The following KCNIP4 variants were observed in gnomAD, a reference collection of about 807,000 sequenced individuals.
The protein encoded by KCNIP4 is potassium voltage-gated channel interacting protein 4, also known as Kv channel-interacting protein 4.
KCNIP4 carries 12 observed loss-of-function variants against 34.0 expected under a neutral mutation model. The ratio of observed to expected loss-of-function variants is 0.35; its 90% CI spans 0.23 to 0.57. The LOEUF is 0.57. Among genes scored for constraint, KCNIP4 ranks in the 20% least tolerant of loss-of-function variants. KCNIP4 has a pLI of 0.83. For missense variants in KCNIP4, 238 were observed against 311.7 expected, an observed-to-expected ratio of 0.76 and a Z score of 1.78; for synonymous variants, 124 against 102.2, an observed-to-expected ratio of 1.21 and a Z score of -1.29.
At chr4:20,856,894 A>T (rs1195296666) in intron 2 of KCNIP4, among the ~76,000 whole-genome samples, 1 of 152,146 alleles carries the variant, frequency 6.6e-6, no homozygotes, top group African/African-American at 2.4e-5. Flanking sequence ...CAGCGGATTA[A>T]ATTCTGGGCC....
At chr4:21,198,677 T>C (rs1046504458) in intron 1 of KCNIP4, among the ~76,000 whole-genome samples, 4 of 152,236 alleles carry the variant, frequency 2.6e-5, no homozygotes, top group Non-Finnish European at 5.9e-5. Context: ...TACCACCTTG[T>C]GTGGAATAAC....
intron 1 of KCNIP4, among the ~76,000 whole-genome samples, chr4:20,921,422 A>G (rs889028757): frequency 6.6e-6 from 1 of 152,238 alleles, no homozygotes; most frequent in Non-Finnish European, 1.5e-5. Flanking sequence ...GGTTAGAGCC[A>G]TACAATAACT....
intron 1 of KCNIP4, among the ~76,000 whole-genome samples, chr4:20,929,069 G>T (rs939341968): frequency 6.6e-6 from 1 of 151,828 alleles, no homozygotes; most frequent in Non-Finnish European, 1.5e-5. Flanking sequence ...CTAAGCCAAT[G>T]ACATCACAAA....
chr4:21,898,110 C>T (rs1727499587), intron 1 of KCNIP4, among the ~76,000 whole-genome samples: 1 of 152,124 alleles, frequency 6.6e-6, no homozygotes, highest in South Asian at 2.1e-4. Flanking sequence ...GGCAAAGTGT[C>T]CATCCCATTG....
At chr4:21,457,894 G>A (rs983685362) in intron 1 of KCNIP4, among the ~76,000 whole-genome samples, 1 of 151,982 alleles carries the variant, frequency 6.6e-6, no homozygotes, top group African/African-American at 2.4e-5. Context: ...CTCTAATCAT[G>A]ACCATCAGTT....
At chr4:21,430,560 C>T (rs1726351400) in intron 1 of KCNIP4, among the ~76,000 whole-genome samples, 1 of 152,054 alleles carries the variant, frequency 6.6e-6, no homozygotes, top group Non-Finnish European at 1.5e-5. Context: ...CTTCAAAAGC[C>T]ATTTTAAAAA....
chr4:21,657,787 T>A (rs1205485604), intron 1 of KCNIP4, among the ~76,000 whole-genome samples: 2 of 152,186 alleles, frequency 1.3e-5, no homozygotes, highest in African/African-American at 4.8e-5. Flanking sequence ...AATTTGATGT[T>A]CAATGAGTCT....
At chr4:20,752,784 C>G (rs1277403117) in intron 4 of KCNIP4, 2 of 152,174 alleles carry the variant, frequency 1.3e-5, no homozygotes, top group African/African-American at 4.8e-5. Context: ...GAATGTCCAG[C>G]TAGGCAGAAA....
At chr4:21,553,772 T>C (rs143996927) in intron 1 of KCNIP4, among the ~76,000 whole-genome samples, 7 of 152,218 alleles carry the variant, frequency 4.6e-5, no homozygotes, top group African/African-American at 1.7e-4. Context: ...ATTACCCCCA[T>C]TGTTAGCATA....
intron 1 of KCNIP4, among the ~76,000 whole-genome samples, chr4:21,912,979 G>T (rs1728424484): frequency 6.6e-6 from 1 of 151,822 alleles, no homozygotes; most frequent in Admixed American, 6.6e-5. Flanking sequence ...ACAGGAGTGG[G>T]GGCTATTGTG....
intron 1 of KCNIP4, among the ~76,000 whole-genome samples, chr4:21,808,507 A>G (rs892614136): frequency 2.0e-5 from 3 of 152,172 alleles, no homozygotes; most frequent in Non-Finnish European, 2.9e-5. Context: ...AACACATAAC[A>G]TACAGAATAT....
intron 1 of KCNIP4, among the ~76,000 whole-genome samples, chr4:21,255,370 T>C (rs1171039726): frequency 6.6e-6 from 1 of 152,168 alleles, no homozygotes; most frequent in Non-Finnish European, 1.5e-5. Context: ...CTATCCTTTG[T>C]ATTTTTTCAT....
At chr4:21,763,767 T>C (rs1577957199) in intron 1 of KCNIP4, among the ~76,000 whole-genome samples, 2 of 152,176 alleles carry the variant, frequency 1.3e-5, no homozygotes, top group African/African-American at 4.8e-5. Flanking sequence ...TTCATTTCAG[T>C]CTTGTTATAT....
At chr4:21,247,867 C>T (rs186413035) in intron 1 of KCNIP4, among the ~76,000 whole-genome samples, 2,350 of 106,302 alleles carry the variant, frequency 0.022, 65 homozygotes, top group East Asian at 0.15. Context: ...TATATATATA[C>T]ACACACACAC....
At chr4:20,901,590 C>T (rs146488800) in intron 1 of KCNIP4, among the ~76,000 whole-genome samples, 86 of 152,274 alleles carry the variant, frequency 5.6e-4, no homozygotes, top group Middle Eastern at 3.4e-3. Context: ...TGGTGTCAAT[C>T]TATGAATCTT....
rs892242904 is a variant in KCNIP4 at position 20,729,228 on chromosome 4, T to G, written c.*854A>C. On this transcript the variant is annotated 3_prime_UTR_variant, in exon 9 of 9. Transcript: ENST00000382152. Reference sequence around the variant, plus strand: ...GATTACTTGTTATTAAGCATTACTATATACTGGAGGATAGATATCCTGACC... The same window carrying G: ...GATTACTTGTTATTAAGCATTACTAGATACTGGAGGATAGATATCCTGACC... 4 of 152,310 alleles carry G rather than the reference T, an allele frequency of 2.6e-5. No individual in the cohort carries two copies. Among genetic ancestry groups the G allele is most frequent in the Admixed American group, 1.3e-4 (2 of 15,256 alleles). The allele number at this position is 152,310 out of a possible 1,614,324, so 9.4% of individuals were successfully genotyped here.
intron 1 of KCNIP4, among the ~76,000 whole-genome samples, chr4:21,834,798 A>G (rs569151525): frequency 2.6e-4 from 40 of 152,202 alleles, no homozygotes; most frequent in African/African-American, 7.2e-4. Context: ...AGTTTTTAGC[A>G]TGAAGGGTTG....
At chr4:21,683,108 T>C (rs1391148329) in intron 1 of KCNIP4, among the ~76,000 whole-genome samples, 1 of 152,196 alleles carries the variant, frequency 6.6e-6, no homozygotes, top group Non-Finnish European at 1.5e-5. Context: ...GGCATGCCTG[T>C]ATGTTTTATA....
intron 1 of KCNIP4, among the ~76,000 whole-genome samples, chr4:21,758,671 T>C (rs1388625274): frequency 2.0e-5 from 3 of 152,158 alleles, no homozygotes; most frequent in South Asian, 4.1e-4. Context: ...GGGTGGGTGA[T>C]AGTGGACTCA....
Sources: gnomAD v4.1 joint callset for allele counts (sites outside exome capture counted in the v4.1 genomes callset) on GRCh38, gnomAD v4.1.1 for gene constraint, MANE v1.5 for transcripts, NCBI Gene and HGNC (gene_info 2026-07-23, HGNC 2026-07-21) for gene names.